The following WWTR1 variants were observed in gnomAD, a reference collection of about 807,000 sequenced individuals.
The protein encoded by WWTR1 is WW domain containing transcription regulator 1.
WWTR1 carries 13 observed loss-of-function variants against 40.1 expected under a neutral mutation model. The ratio of observed to expected loss-of-function variants is 0.32; its 90% CI spans 0.21 to 0.52. The LOEUF is 0.52. Among genes scored for constraint, WWTR1 ranks in the 20% least tolerant of loss-of-function variants. The probability of loss-of-function intolerance (pLI) is 0.97; values close to 1 mark genes in which losing one functional copy is unlikely to be tolerated. For synonymous variants in WWTR1, 230 were observed against 210.1 expected (o/e 1.09, Z -0.82); for missense variants, 436 against 523.1 (o/e 0.83, Z 1.63).
chr3:149,592,887 G>GTATAAGGCCTAGTATAAGGC (rs1454053094), intron 2 of WWTR1, among the ~76,000 whole-genome samples: 3 of 152,058 alleles, frequency 2.0e-5, no homozygotes, highest in Non-Finnish European at 4.4e-5. Context: ...CTTGAACCCA[G>GTATAAGGCCTAGTATAAGGC]CTGTTCAATC....
At chr3:149,606,120 A>G (rs977833303) in intron 2 of WWTR1, among the ~76,000 whole-genome samples, 2 of 152,166 alleles carry the variant, frequency 1.3e-5, no homozygotes, top group Non-Finnish European at 2.9e-5. Context: ...AGGCCCTCAT[A>G]AGACACCACA....
intron 2 of WWTR1, among the ~76,000 whole-genome samples, chr3:149,654,450 C>G (rs1713078553): frequency 6.6e-6 from 1 of 152,210 alleles, no homozygotes; most frequent in African/African-American, 2.4e-5. Flanking sequence ...TCAGAGCAGG[C>G]CAGCCTACTA....
intron 5 of WWTR1, among the ~76,000 whole-genome samples, chr3:149,712,212 G>A (rs2108231673): frequency 6.6e-6 from 1 of 152,296 alleles, no homozygotes; most frequent in African/African-American, 2.4e-5. Context: ...ATTGAGGCCA[G>A]GAGTTCGAGG....
chr3:149,532,646 C>T (rs750860154), intron 4 of WWTR1, among the ~76,000 whole-genome samples: 15 of 152,016 alleles, frequency 9.9e-5, no homozygotes, highest in Admixed American at 2.0e-4. Flanking sequence ...GTACAAAACC[C>T]GAGGTCTGAA....
chr3:149,600,612 TA>T (rs917393236), intron 2 of WWTR1, among the ~76,000 whole-genome samples: 4 of 152,210 alleles, frequency 2.6e-5, no homozygotes, highest in African/African-American at 4.8e-5. Flanking sequence ...TTAGTGGAAA[TA>T]AAGCACCTTC....
At chr3:149,711,880 C>T (rs576951154) in intron 5 of WWTR1, among the ~76,000 whole-genome samples, 2 of 152,280 alleles carry the variant, frequency 1.3e-5, no homozygotes, top group Non-Finnish European at 2.9e-5. Flanking sequence ...GTCATATTTA[C>T]TTTATTTTCC....
At chr3:149,692,198 G>GA (rs1714849627) in intron 1 of WWTR1, among the ~76,000 whole-genome samples, 1 of 144,920 alleles carries the variant, frequency 6.9e-6, no homozygotes, top group Non-Finnish European at 1.5e-5. Flanking sequence ...GGAACAAAAA[G>GA]AAAAAAGAAC....
At chr3:149,600,702 A>C (rs557429788) in intron 2 of WWTR1, among the ~76,000 whole-genome samples, 1 of 152,314 alleles carries the variant, frequency 6.6e-6, no homozygotes, top group South Asian at 2.1e-4. Context: ...TGAGTCATAA[A>C]ATTTCCTATT....
chr3:149,691,664 A>T (rs1714829778), intron 1 of WWTR1, among the ~76,000 whole-genome samples: 1 of 152,294 alleles, frequency 6.6e-6, no homozygotes, highest in South Asian at 2.1e-4. Context: ...TATAATAAAA[A>T]GTATGCCAGC....
At chr3:149,523,065 TA>T (rs35874540) in intron 6 of WWTR1, among the ~76,000 whole-genome samples, 16,175 of 141,526 alleles carry the variant, frequency 0.11, 894 homozygotes, top group Middle Eastern at 0.15. Flanking sequence ...GACCCCGTAT[TA>T]AAAAAAAAAA....
rs80250595 is a variant in WWTR1, at chr3:149,600,261, A to G, written c.432-27261T>C. Among the ~76,000 whole-genome samples, 506 of 152,340 alleles carry G rather than the reference A, an allele frequency of 3.3e-3. 1 individual carries two copies. The highest frequency in any genetic ancestry group is 0.012 in the African/African-American group (485 of 41,576). On this transcript the variant is annotated intron_variant, in intron 2 of 6. Transcript: ENST00000360632. The stretch of plus-strand genomic sequence containing the variant: ...CCTATTAATAATAATCTCTTCAAGT[A>G]ATGCCATTATTAAGAATCAGTAGCA...
chr3:149,564,941 C>G (rs977674557), intron 3 of WWTR1, among the ~76,000 whole-genome samples: 2 of 152,054 alleles, frequency 1.3e-5, no homozygotes, highest in Non-Finnish European at 2.9e-5. Flanking sequence ...CCAGCACTTA[C>G]TTTGGGAAGC....
At chr3:149,662,024 C>A (rs556518028), upstream of WWTR1, among the ~76,000 whole-genome samples, 3 of 152,294 alleles carry the variant, frequency 2.0e-5, no homozygotes, top group African/African-American at 4.8e-5. Flanking sequence ...AGCCACCTCG[C>A]CCGGCCAAAT....
chr3:149,696,094 C>G (rs1559844011), intron 1 of WWTR1, among the ~76,000 whole-genome samples: 1 of 107,648 alleles, frequency 9.3e-6, no homozygotes, highest in Non-Finnish European at 1.7e-5. Context: ...GCCTGGGCGA[C>G]AGAGCGAGAC....
At chr3:149,558,708 C>T (rs1164149442) in intron 3 of WWTR1, among the ~76,000 whole-genome samples, 2 of 152,138 alleles carry the variant, frequency 1.3e-5, no homozygotes, top group Non-Finnish European at 2.9e-5. Flanking sequence ...GAAGAAATGC[C>T]GGACAAATCC....
intron 2 of WWTR1, among the ~76,000 whole-genome samples, chr3:149,574,525 T>C (rs994619084): frequency 1.3e-5 from 2 of 152,206 alleles, no homozygotes; most frequent in Admixed American, 6.5e-5. Flanking sequence ...CACCTCACTT[T>C]TGAATAACAA....
rs538851564 is a variant in WWTR1, at chr3:149,681,563, A to G, written c.-107-11672T>C. 5.3e-5 allele frequency among the ~76,000 whole-genome samples: 8 copies of G among 152,272 alleles called. No homozygotes were observed. In the East Asian group the frequency reaches 1.5e-3, roughly 29 times the overall value. Reference sequence around the variant, plus strand: ...TGCTGTTGAGTTGTGGGAGTTCTTTATTTCAGAAATTTTATCCAATAGAAT... The same window carrying G: ...TGCTGTTGAGTTGTGGGAGTTCTTTGTTTCAGAAATTTTATCCAATAGAAT... On this transcript the variant is annotated intron_variant, in intron 1 of 7. Coordinates refer to the WWTR1 transcript ENST00000465804.
At chr3:149,607,853 A>C (rs565672197) in intron 2 of WWTR1, among the ~76,000 whole-genome samples, 1 of 152,344 alleles carries the variant, frequency 6.6e-6, no homozygotes, top group East Asian at 1.9e-4. Flanking sequence ...AGATTTCCCA[A>C]GAGATAACTG....
At chr3:149,547,965 C>CAA (rs1164835743) in intron 3 of WWTR1, among the ~76,000 whole-genome samples, 1 of 148,146 alleles carries the variant, frequency 6.8e-6, no homozygotes, top group Non-Finnish European at 1.5e-5. Flanking sequence ...CACACACACA[C>CAA]AAAACCGCCA....
Sources: allele counts gnomAD v4.1 joint callset (sites outside exome capture counted in the v4.1 genomes callset), GRCh38; gene constraint gnomAD v4.1.1; transcripts MANE v1.5; gene names NCBI Gene and HGNC (gene_info 2026-07-23, HGNC 2026-07-21).